CSMD1: variants seen among roughly 807,000 people sequenced by gnomAD.
CSMD1 encodes CUB and sushi domain-containing protein 1.
A neutral mutation model predicts 417.5 loss-of-function variants in CSMD1; 213 were observed. The ratio of observed to expected loss-of-function variants is 0.51; its 90% CI spans 0.46 to 0.57. The LOEUF (loss-of-function observed/expected upper bound fraction) is 0.57. Among genes scored for constraint, CSMD1 ranks in the 20% least tolerant of loss-of-function variants. The pLI is 0.00. For missense variants in CSMD1, 6,923 were observed against 4,529.7 expected (o/e 1.53, Z -15.17); for synonymous variants, 2,862 against 1,736.8 (o/e 1.65, Z -16.11).
chr8:4,126,879 C>G (rs959679968), intron 3 of CSMD1, among the ~76,000 whole-genome samples: 1 of 152,170 alleles, frequency 6.6e-6, no homozygotes. Context: ...ACCACAGCAT[C>G]TGTCTCCTGG....
chr8:3,799,443 G>C (rs1165908746), intron 5 of CSMD1, among the ~76,000 whole-genome samples: 1 of 127,418 alleles, frequency 7.8e-6, no homozygotes, highest in East Asian at 2.3e-4. Flanking sequence ...TCCCCTTCTT[G>C]TGTCCAAGTG....
In CSMD1 at chr8:4,312,396, T is replaced by TATAC. The variant is rs1159507543; in HGVS notation, c.415+107556_415+107557insGTAT. ...GAACAAATATATATATATATATACA[T>TATAC]ACATATATATGCGTGTATATATATG... On this transcript the variant is annotated intron_variant, in intron 3 of 69. Transcript: ENST00000635120. 2.6e-3 allele frequency among the ~76,000 whole-genome samples: 261 copies of TATAC among 99,048 alleles called. 45 individuals carry two copies. The highest frequency in any genetic ancestry group is 0.019 in the African/African-American group (244 of 12,848). The allele number at this position is 99,048 out of a possible 152,430, so 65.0% of individuals were successfully genotyped here. A position where few individuals can be genotyped will look rare whatever the true frequency, so the allele number is the denominator to read the frequency against.
intron 23 of CSMD1, among the ~76,000 whole-genome samples, chr8:3,313,287 C>T (rs1008831915): frequency 8.5e-5 from 13 of 152,096 alleles, no homozygotes; most frequent in African/African-American, 2.2e-4. Flanking sequence ...ATTAAACTAA[C>T]GAGGTTCTGC....
chr8:3,248,767 A>G (rs1020352039), intron 26 of CSMD1, among the ~76,000 whole-genome samples: 2 of 152,110 alleles, frequency 1.3e-5, no homozygotes, highest in African/African-American at 2.4e-5. Flanking sequence ...GCCTTTTGCA[A>G]ACGTGTCCAT....
rs542091551 is a variant in CSMD1 at position 3,279,731 on chromosome 8, G to T, written c.4153+4413C>A. ...ACTTACAATCATGGAGGAAGGTGAA[G>T]GGGAAGCAAAGCACCTTCTTTAGAG... On this transcript the variant is annotated intron_variant, in intron 26 of 69. Transcript: ENST00000635120. Among the ~76,000 whole-genome samples, 7 of 152,234 alleles carry T rather than the reference G, an allele frequency of 4.6e-5. No homozygotes were observed. In the South Asian group the frequency reaches 1.2e-3, roughly 27 times the overall value.
intron 5 of CSMD1, among the ~76,000 whole-genome samples, chr8:3,836,272 T>G (rs1802694689): frequency 6.6e-6 from 1 of 152,178 alleles, no homozygotes; most frequent in South Asian, 2.1e-4. Flanking sequence ...AATGTGGCAT[T>G]AAAAAACTGA....
At chr8:4,376,405 C>T (rs1802742120) in intron 3 of CSMD1, among the ~76,000 whole-genome samples, 1 of 152,122 alleles carries the variant, frequency 6.6e-6, no homozygotes, top group South Asian at 2.1e-4. Flanking sequence ...CTGTGATTCT[C>T]TTGTGCATAT....
intron 1 of CSMD1, among the ~76,000 whole-genome samples, chr8:4,989,646 T>A (rs1257282175): frequency 6.6e-6 from 1 of 152,230 alleles, no homozygotes; most frequent in Non-Finnish European, 1.5e-5. Context: ...TAGCTTAAAT[T>A]GCATGTATGC....
intron 6 of CSMD1, among the ~76,000 whole-genome samples, chr8:3,744,384 G>A (rs1369114241): frequency 6.6e-6 from 1 of 152,138 alleles, no homozygotes; most frequent in African/African-American, 2.4e-5. Flanking sequence ...ACCAGATTTG[G>A]AACCCAGGTT....
intron 1 of CSMD1, among the ~76,000 whole-genome samples, chr8:4,847,205 T>G (rs926886243): frequency 6.6e-6 from 1 of 152,228 alleles, no homozygotes; most frequent in African/African-American, 2.4e-5. Context: ...TCTCTCACTA[T>G]ATGAAATTAA....
At chr8:3,537,712 TCATA>T in intron 10 of CSMD1, among the ~76,000 whole-genome samples, 1 of 152,340 alleles carries the variant, frequency 6.6e-6, no homozygotes, top group East Asian at 1.9e-4. Flanking sequence ...ATATATCACT[TCATA>T]CATTATCAAG....
At chr8:3,726,768 T>G (rs936323000) in intron 6 of CSMD1, among the ~76,000 whole-genome samples, 1 of 152,192 alleles carries the variant, frequency 6.6e-6, no homozygotes, top group Non-Finnish European at 1.5e-5. Flanking sequence ...CTGAGCCTTA[T>G]TCTTAGCATG....
intron 6 of CSMD1, among the ~76,000 whole-genome samples, chr8:3,748,529 T>C (rs1202258566): frequency 1.3e-5 from 2 of 152,174 alleles, no homozygotes; most frequent in Non-Finnish European, 2.9e-5. Flanking sequence ...CTGAGCACTT[T>C]CCAGGTTCTA....
chr8:3,217,450 G>C (rs1400308290), intron 29 of CSMD1, among the ~76,000 whole-genome samples: 1 of 152,190 alleles, frequency 6.6e-6, no homozygotes, highest in Non-Finnish European at 1.5e-5. Context: ...GGGGAGAACA[G>C]GAGTTGTCAG....
chr8:3,952,132 T>A (rs1388026072), intron 5 of CSMD1, among the ~76,000 whole-genome samples: 1 of 152,128 alleles, frequency 6.6e-6, no homozygotes, highest in Non-Finnish European at 1.5e-5. Flanking sequence ...TAAGTAGTGG[T>A]TCACAAAGTA....
At chr8:3,024,749 T>C (rs1454286897) in intron 51 of CSMD1, among the ~76,000 whole-genome samples, 3 of 152,246 alleles carry the variant, frequency 2.0e-5, no homozygotes, top group Admixed American at 1.3e-4. Flanking sequence ...ATGGTTACCA[T>C]GTTGAGGAAC....
At position 3,681,801 on chromosome 8, in the gene CSMD1, C is replaced by T. The variant is rs180933783; in HGVS notation, c.1009+26613G>A. ...CCTGACTTTAAACTATACTACAAGG[C>T]TACAGTAACCCAAACAGCATGGTAC... On this transcript the variant is annotated intron_variant, in intron 7 of 69. Transcript: ENST00000635120. 1.7e-3 allele frequency among the ~76,000 whole-genome samples: 260 copies of T among 152,300 alleles called. 3 individuals are homozygous for T. In the Middle Eastern group the frequency reaches 0.027, roughly 16 times the overall value.
chr8:4,534,199 G>C lies in CSMD1; in HGVS notation c.302+103143C>G, dbSNP rs77645296. On this transcript the variant is annotated intron_variant, in intron 2 of 69. Coordinates refer to ENST00000635120, the MANE Select transcript of CSMD1 (RefSeq NM_033225.6). ...ATTCGCTAGGGAGCACAATTTAATA[G>C]AGCACACCTGCTATCTCAGAAAGAA... Among the ~76,000 whole-genome samples, 655 of 152,252 alleles carry C rather than the reference G, an allele frequency of 4.3e-3. 5 individuals are homozygous for C. Among genetic ancestry groups the C allele is most frequent in the African/African-American group, 0.015 (630 of 41,558 alleles).
intron 3 of CSMD1, among the ~76,000 whole-genome samples, chr8:4,348,446 T>C (rs879340196): frequency 1.2e-4 from 18 of 152,052 alleles, no homozygotes; most frequent in Non-Finnish European, 2.6e-4. Flanking sequence ...ATATTAGGCC[T>C]TTCTGATCAT....
Sources: gnomAD v4.1 joint callset for allele counts (sites outside exome capture counted in the v4.1 genomes callset) on GRCh38, gnomAD v4.1.1 for gene constraint, MANE v1.5 for transcripts, NCBI Gene and HGNC (gene_info 2026-07-23, HGNC 2026-07-21) for gene names.